The following REV1 variants were observed in gnomAD, a reference collection of about 807,000 sequenced individuals.
The protein encoded by REV1 is translesion synthesis protein REV1.
Under a neutral mutation model 137.4 loss-of-function variants are expected in REV1, and 42 were observed. The ratio of observed to expected loss-of-function variants is 0.31; its 90% confidence interval spans 0.24 to 0.40. REV1 has a LOEUF of 0.40. Among genes scored for constraint, REV1 ranks in the 10% least tolerant of loss-of-function variants. REV1 has a pLI of 1.00. For synonymous variants in REV1, 524 were observed against 519.2 expected (o/e 1.01, Z -0.12); for missense variants, 1,282 against 1,490.1 (o/e 0.86, Z 2.30).
At position 99,462,092 on chromosome 2, in the gene REV1, G is replaced by C. The variant is rs539547567; in HGVS notation, c.181+404C>G. ...AGTTTACACTCTTCTACAGACAAGA[G>C]AGTAAAAGATTCTTCTCTAGGAAAT... On this transcript the variant is annotated intron_variant, in intron 3 of 22. Coordinates refer to ENST00000258428, the MANE Select transcript of REV1 (RefSeq NM_016316.4). Among the ~76,000 whole-genome samples the C allele has an allele frequency of 2.1e-4, 32 of 152,222 alleles. No individual in the cohort carries two copies. In the South Asian group the frequency reaches 6.0e-3, roughly 29 times the overall value.
chr2:99,429,608 T>C (rs1301835489), intron 9 of REV1, among the ~76,000 whole-genome samples: 1 of 152,092 alleles, frequency 6.6e-6, no homozygotes, highest in Non-Finnish European at 1.5e-5. Context: ...TTTCTTTTGG[T>C]TCCTACTACA....
chr2:99,475,503 G>A (rs555189245), intron 1 of REV1, among the ~76,000 whole-genome samples: 168 of 152,278 alleles, frequency 1.1e-3, no homozygotes, highest in Non-Finnish European at 1.7e-3. Flanking sequence ...CTAATCAGAT[G>A]GGGAGGAAAG....
chr2:99,426,162 T>C (rs1275247686), intron 9 of REV1, among the ~76,000 whole-genome samples: 3 of 151,696 alleles, frequency 2.0e-5, no homozygotes, highest in Non-Finnish European at 4.4e-5. Flanking sequence ...CTGGCCAACA[T>C]GGTGAAACCC....
Position 99,406,074 on chromosome 2 carries a change from A to T in REV1, c.2647T>A (p.Ser883Thr), listed in dbSNP as rs772813252. The T allele has an allele frequency of 1.2e-6, 2 of 1,613,658 alleles. No homozygotes were observed. The highest frequency in any genetic ancestry group is 2.2e-5 in the East Asian group (1 of 44,858). ...AAGAAAGTGCAAGTTCTAGAAGCAG[A>T]TGATATTTCCAGATCCACAGCAGCC... is the stretch of plus-strand genomic sequence containing the variant. ...FRAAVDLEIS[S>T]ASRTCTFLPP... is the part of the protein sequence containing the mutation. Residue 883 changes from serine (S) to threonine (T), a missense_variant, in exon 17 of 23, where the codon TCT becomes ACT. By Grantham distance (58) the Ser-to-Thr change is moderately conservative. This residue lies in a region of REV1 where 372 missense variants were observed against 482.3 expected (regional missense o/e 0.77). Coordinates refer to ENST00000258428, the MANE Select transcript of REV1 (RefSeq NM_016316.4).
chr2:99,437,316 G>A (rs1328471694), intron 6 of REV1, among the ~76,000 whole-genome samples: 2 of 151,990 alleles, frequency 1.3e-5, no homozygotes, highest in East Asian at 1.9e-4. Flanking sequence ...AACCCCATGA[G>A]GCAAACATCA....
intron 3 of REV1, among the ~76,000 whole-genome samples, chr2:99,455,234 C>CT (rs1683402935): frequency 6.6e-6 from 1 of 152,204 alleles, no homozygotes; most frequent in Non-Finnish European, 1.5e-5. Context: ...CCTACCATGG[C>CT]AACATCTTCA....
chr2:99,401,169 CAT>C lies in REV1; in HGVS notation c.*70_*71del, dbSNP rs1675340038. On this transcript the variant is annotated 3_prime_UTR_variant, in exon 23 of 23. Coordinates refer to ENST00000258428, the MANE Select transcript of REV1 (RefSeq NM_016316.4). ...TTATAAAAACTCCGAGCATTACTAT[CAT>C]GCACTTTGCAAATACCTCACAAGCA... The C allele has an allele frequency of 4.6e-6, 4 of 876,110 alleles. No individual in the cohort carries two copies. In the South Asian group the frequency reaches 5.8e-5, roughly 13 times the overall value. 54.3% of individuals were successfully genotyped at this position (876,110 alleles called of 1,614,324 possible). A position where few individuals can be genotyped will look rare whatever the true frequency, so the allele number is the denominator to read the frequency against.
At chr2:99,462,286 T>C (rs1684305525) in intron 3 of REV1, among the ~76,000 whole-genome samples, 1 of 152,160 alleles carries the variant, frequency 6.6e-6, no homozygotes, top group Non-Finnish European at 1.5e-5. Flanking sequence ...CGTGACTTTT[T>C]GAAACTATGT....
intron 12 of REV1, among the ~76,000 whole-genome samples, chr2:99,414,313 T>G (rs1048530599): frequency 2.6e-5 from 4 of 152,202 alleles, no homozygotes; most frequent in Non-Finnish European, 4.4e-5. Context: ...TCAATGTGGG[T>G]CAGACAAGTT....
At chr2:99,446,437 C>T (rs528534652) in intron 4 of REV1, among the ~76,000 whole-genome samples, 3 of 152,222 alleles carry the variant, frequency 2.0e-5, no homozygotes, top group East Asian at 3.9e-4. Flanking sequence ...TCTCCCTAGG[C>T]GCATCTGGCA....
chr2:99,418,561 T>C (rs1000421326), intron 12 of REV1, among the ~76,000 whole-genome samples: 5 of 152,304 alleles, frequency 3.3e-5, no homozygotes, highest in Admixed American at 2.6e-4. Context: ...CCTTTTAACA[T>C]TGTTTCTTAG....
chr2:99,404,768 G>T, intron 17 of REV1, 91 bp from the exon 18 acceptor site: 1 of 840,912 alleles, frequency 1.2e-6, no homozygotes, highest in Admixed American at 2.5e-5. Flanking sequence ...ATTTCAATTT[G>T]AATACTGTGG....
chr2:99,434,496 A>T, intron 7 of REV1, 48 bp from the exon 8 acceptor site: 1 of 1,306,902 alleles, frequency 7.7e-7, no homozygotes, highest in Non-Finnish European at 1.0e-6. Flanking sequence ...CAGGAATGTT[A>T]ACAACATGTA....
At chr2:99,429,784 T>C (rs1406088172) in intron 9 of REV1, 56 bp downstream of exon 9, 2 of 961,150 alleles carry the variant, frequency 2.1e-6, no homozygotes, top group Non-Finnish European at 2.9e-6. Flanking sequence ...AGAAATTATA[T>C]AAAAATAATT....
At chr2:99,484,597 T>TACA (rs1553573960) in intron 1 of REV1, among the ~76,000 whole-genome samples, 3 of 152,308 alleles carry the variant, frequency 2.0e-5, no homozygotes, top group Admixed American at 6.5e-5. Context: ...GACTTTTAAA[T>TACA]ATGAGAAAAA....
At position 99,489,432 on chromosome 2, in the gene REV1, A is replaced by T. The variant is rs2104355785; in HGVS notation, c.-11+385T>A. On this transcript the variant is annotated intron_variant, in intron 1 of 22. Coordinates refer to ENST00000258428, the MANE Select transcript of REV1 (RefSeq NM_016316.4). Reference sequence around the variant, plus strand: ...TGGCCGGCCGAGGCGCCGGCGCAGGAGGAAGGAGTTTGCGGCGCGGTCTGA... The same window carrying T: ...TGGCCGGCCGAGGCGCCGGCGCAGGTGGAAGGAGTTTGCGGCGCGGTCTGA... Among the ~76,000 whole-genome samples, 2 of 151,710 alleles carry T rather than the reference A, an allele frequency of 1.3e-5. 1 individual carries two copies. Among genetic ancestry groups the T allele is most frequent in the South Asian group, 4.2e-4 (2 of 4,814 alleles).
intron 3 of REV1, among the ~76,000 whole-genome samples, chr2:99,453,077 G>A (rs1683102534): frequency 2.0e-5 from 3 of 152,068 alleles, no homozygotes; most frequent in African/African-American, 2.4e-5. Context: ...TAAAAATTAT[G>A]TGGCCAGGTG....
intron 1 of REV1, among the ~76,000 whole-genome samples, chr2:99,487,945 G>A (rs1220184388): frequency 8.4e-6 from 1 of 118,436 alleles, no homozygotes; most frequent in African/African-American, 3.0e-5. Flanking sequence ...GATGTCTCAC[G>A]TTTAAGAACT....
chr2:99,432,129 T>A (rs1434719370), intron 8 of REV1, among the ~76,000 whole-genome samples: 2 of 152,028 alleles, frequency 1.3e-5, no homozygotes, highest in East Asian at 3.9e-4. Flanking sequence ...AGATCATCAA[T>A]GAGAAGTGTG....
Sources: allele counts gnomAD v4.1 joint callset (sites outside exome capture counted in the v4.1 genomes callset), GRCh38; gene constraint gnomAD v4.1.1; regional missense constraint gnomAD v4.1.1; transcripts MANE v1.5; gene names NCBI Gene and HGNC (gene_info 2026-07-23, HGNC 2026-07-21).